The following HS2ST1 variants were observed in gnomAD, a reference collection of about 807,000 sequenced individuals.
HS2ST1 encodes heparan sulfate 2-O-sulfotransferase 1, also known as 2-O-sulfotransferase.
Under a neutral mutation model 42.9 loss-of-function variants are expected in HS2ST1, and 18 were observed. The ratio of observed to expected loss-of-function variants is 0.42; its 90% confidence interval spans 0.29 to 0.62. The LOEUF (loss-of-function observed/expected upper bound fraction) is 0.62, where lower values mean the gene tolerates loss of function less well. HS2ST1 is among the 20% of genes least tolerant of loss of function. HS2ST1 has a pLI of 0.21. For missense variants in HS2ST1, 334 were observed against 433.8 expected, an observed-to-expected ratio of 0.77 and a Z score of 2.04; for synonymous variants, 146 against 152.9, an observed-to-expected ratio of 0.95 and a Z score of 0.33.
chr1:87,101,147 GTGTTTTTTGTTTTTTTTTTT>G (rs1424335191), intron 5 of HS2ST1, among the ~76,000 whole-genome samples: 1 of 75,892 alleles, frequency 1.3e-5, no homozygotes, highest in African/African-American at 4.9e-5. Flanking sequence ...GTGTGTGTGT[GTGTTTTTTGTTTTTTTTTTT>G]TTTTTTTTTT....
intron 1 of HS2ST1, among the ~76,000 whole-genome samples, chr1:87,008,555 G>A (rs1197342943): frequency 6.6e-6 from 1 of 152,166 alleles, no homozygotes; most frequent in African/African-American, 2.4e-5. Flanking sequence ...GTTCTTAAGC[G>A]AACTTTCTAA....
At chr1:86,975,923 A>G (rs543865608) in intron 1 of HS2ST1, among the ~76,000 whole-genome samples, 47 of 152,280 alleles carry the variant, frequency 3.1e-4, no homozygotes, top group Admixed American at 7.8e-4. Context: ...TTGGCCAAAT[A>G]CTTTGGAGGA....
At chr1:87,001,666 T>C (rs1457809480) in intron 1 of HS2ST1, among the ~76,000 whole-genome samples, 1 of 152,184 alleles carries the variant, frequency 6.6e-6, no homozygotes, top group Non-Finnish European at 1.5e-5. Flanking sequence ...GAGTCGGGAG[T>C]GCAATGGCAC....
In HS2ST1 at chr1:87,107,855, T is replaced by TG. The variant is rs1223216005; in HGVS notation, c.*3159_*3160insG. 1 of 152,092 alleles carries TG rather than the reference T, an allele frequency of 6.6e-6. No homozygotes were observed. The highest frequency in any genetic ancestry group is 1.5e-5 in the Non-Finnish European group (1 of 67,948). The allele number at this position is 152,092 out of a possible 1,614,324, so 9.4% of individuals were successfully genotyped here. ...ATATATCTGATAGCAACACTTAAGA[T>TG]ATTGCATGGGGATTACTTTCCTATC... On this transcript the variant is annotated 3_prime_UTR_variant, in exon 7 of 7. Coordinates refer to ENST00000370550, the MANE Select transcript of HS2ST1 (RefSeq NM_012262.4).
intron 1 of HS2ST1, chr1:87,046,071 A>G (rs1650652992): frequency 3.0e-6 from 2 of 665,368 alleles, no homozygotes; most frequent in Admixed American, 3.6e-5. Flanking sequence ...CCATGACAGC[A>G]TCATGAACCC....
At chr1:86,985,076 C>T (rs185526935) in intron 1 of HS2ST1, among the ~76,000 whole-genome samples, 2 of 151,814 alleles carry the variant, frequency 1.3e-5, no homozygotes, top group East Asian at 3.9e-4. Flanking sequence ...TCTGTTTTGG[C>T]CAGGCGCGGT....
chr1:87,074,787 G>A (rs537977647), intron 2 of HS2ST1, among the ~76,000 whole-genome samples: 65 of 152,192 alleles, frequency 4.3e-4, no homozygotes, highest in African/African-American at 1.5e-3. Flanking sequence ...GTGGGGCAGC[G>A]CAGAAGAATA....
intron 1 of HS2ST1, among the ~76,000 whole-genome samples, chr1:87,058,400 C>G (rs1461558434): frequency 2.0e-5 from 3 of 151,590 alleles, no homozygotes; most frequent in Non-Finnish European, 4.4e-5. Context: ...TTTCAAGAGA[C>G]TGTTAGTCAT....
At chr1:86,936,299 A>G (rs1012599524) in intron 1 of HS2ST1, among the ~76,000 whole-genome samples, 1 of 152,138 alleles carries the variant, frequency 6.6e-6, no homozygotes, top group Admixed American at 6.5e-5. Context: ...CTCATTTGCT[A>G]AAAATGTTAT....
At chr1:87,006,914 T>G (rs1649455897) in intron 1 of HS2ST1, among the ~76,000 whole-genome samples, 1 of 152,132 alleles carries the variant, frequency 6.6e-6, no homozygotes, top group African/African-American at 2.4e-5. Context: ...TTCTAGTCCT[T>G]TCATTATACG....
intron 1 of HS2ST1, among the ~76,000 whole-genome samples, chr1:87,060,619 C>A (rs1651096356): frequency 6.6e-6 from 1 of 152,130 alleles, no homozygotes; most frequent in South Asian, 2.1e-4. Flanking sequence ...ACATAAAACA[C>A]TTAAAGCATA....
At chr1:86,918,955 ATTTT>A in intron 1 of HS2ST1, among the ~76,000 whole-genome samples, 1 of 147,850 alleles carries the variant, frequency 6.8e-6, no homozygotes, top group Admixed American at 6.7e-5. Context: ...TCTTTTTTAA[ATTTT>A]TTTTATTTTT....
At chr1:86,933,335 TTC>T (rs1406775303) in intron 1 of HS2ST1, among the ~76,000 whole-genome samples, 1 of 152,332 alleles carries the variant, frequency 6.6e-6, no homozygotes, top group Non-Finnish European at 1.5e-5. Flanking sequence ...TTCTTAAATA[TTC>T]TGTTACTTTT....
intron 1 of HS2ST1, among the ~76,000 whole-genome samples, chr1:87,063,379 C>T (rs1172854631): frequency 6.6e-6 from 1 of 152,140 alleles, no homozygotes; most frequent in Non-Finnish European, 1.5e-5. Context: ...CTCTGTTGCC[C>T]AGGCTGGAGT....
chr1:86,964,275 G>T (rs2102201537), intron 1 of HS2ST1, among the ~76,000 whole-genome samples: 1 of 152,344 alleles, frequency 6.6e-6, no homozygotes, highest in Non-Finnish European at 1.5e-5. Flanking sequence ...ACTTTGGGAG[G>T]CCAAGGCAGG....
chr1:87,072,979 A>G lies in HS2ST1; in HGVS notation c.170A>G (p.His57Arg). Residue 57 changes from histidine to arginine, a missense_variant, in exon 2 of 7, where the codon CAT becomes CGT. Coordinates refer to ENST00000370550, the MANE Select transcript of HS2ST1 (RefSeq NM_012262.4). ...GAAGTCCGAGAAATTGAGCAGCGAC[A>G]TACAATGGATGGCCCTCGGCAAGAT... Reference protein sequence around the residue: ...RHEVREIEQRHTMDGPRQDAT... With the variant: ...RHEVREIEQRRTMDGPRQDAT... 3 of 1,614,120 alleles carry G rather than the reference A, an allele frequency of 1.9e-6. No homozygotes were observed. The South Asian group carries it at 3.3e-5, about 18-fold the overall frequency.
intron 1 of HS2ST1, chr1:87,045,854 A>G: frequency 1.4e-6 from 1 of 722,066 alleles, no homozygotes; most frequent in Non-Finnish European, 2.6e-6. Flanking sequence ...TTTCTGCTAA[A>G]TGAACTCTCA....
chr1:87,088,561 T>G (rs75128185), intron 3 of HS2ST1, among the ~76,000 whole-genome samples: 6,860 of 152,132 alleles, frequency 0.045, 264 homozygotes, highest in African/African-American at 0.1. Context: ...TGTCTTAACT[T>G]CTCTTGGATA....
intron 4 of HS2ST1, among the ~76,000 whole-genome samples, chr1:87,096,356 C>G (rs777036863): frequency 6.6e-6 from 1 of 152,126 alleles, no homozygotes; most frequent in Non-Finnish European, 1.5e-5. Context: ...TTGGAACATA[C>G]TGGTTCACTG....
Sources: allele counts gnomAD v4.1 joint callset (sites outside exome capture counted in the v4.1 genomes callset), GRCh38; gene constraint gnomAD v4.1.1; transcripts MANE v1.5; gene names NCBI Gene and HGNC (gene_info 2026-07-23, HGNC 2026-07-21).